Variants in PIBF1 observed in about 807,000 individuals in gnomAD.
PIBF1 encodes the protein progesterone immunomodulatory binding factor 1, also known as progesterone-induced-blocking factor 1.
PIBF1 carries 90 observed loss-of-function variants against 112.5 expected under a neutral mutation model. That is an observed-to-expected ratio of 0.80 (90% confidence interval 0.67 to 0.95). PIBF1 has a LOEUF of 0.95. Ranked by LOEUF, PIBF1 falls within the 40% of genes least tolerant of loss-of-function variation. The pLI, the probability that PIBF1 is intolerant of heterozygous loss-of-function variation, is 0.00. For missense variants in PIBF1, 915 were observed against 852.3 expected, an observed-to-expected ratio of 1.07 and a Z score of -0.92; for synonymous variants, 301 against 288.6, an observed-to-expected ratio of 1.04 and a Z score of -0.44.
rs184236912 is a variant in PIBF1, at chr13:72,812,123, C to T, written c.673-9726C>T. ...AAGGATGTATCACTACATGATGGCACGGGAAAACTCAGGAGGGACCTTACC... is the reference window on the plus strand; with the variant it reads ...AAGGATGTATCACTACATGATGGCATGGGAAAACTCAGGAGGGACCTTACC... On this transcript the variant is annotated intron_variant, in intron 5 of 17. Transcript: ENST00000326291. Among the ~76,000 whole-genome samples, 155 of 152,126 alleles carry T rather than the reference C, an allele frequency of 1.0e-3. 1 individual carries two copies. Among genetic ancestry groups the T allele is most frequent in the African/African-American group, 3.3e-3 (136 of 41,504 alleles).
chr13:72,835,391 A>G (rs755569984), intron 9 of PIBF1, 23 bp downstream of exon 9: 2 of 1,504,640 alleles, frequency 1.3e-6, no homozygotes. Context: ...AAATGCTTGT[A>G]TGGTATTTTA....
intron 14 of PIBF1, among the ~76,000 whole-genome samples, chr13:72,963,853 G>A (rs1319831840): frequency 6.6e-6 from 1 of 152,138 alleles, no homozygotes; most frequent in East Asian, 1.9e-4. Context: ...CCAGGATGTG[G>A]AGAAATTGTA....
At position 72,797,910 on chromosome 13, in the gene PIBF1, C is replaced by G. The variant is rs181700362; in HGVS notation, c.556C>G (p.Arg186Gly). Residue 186 changes from arginine to glycine, a missense_variant, in exon 5 of 18, where the codon CGC (arginine) becomes GGC (glycine). Coordinates refer to ENST00000326291, the MANE Select transcript of PIBF1 (RefSeq NM_006346.4). ...TATTAATTTAATTTTTTTCAAGGTT[C>G]GCTTCTATGAGCTAGTGAATCCATT... Reference protein sequence around the residue: ...QLSIPEYVSVRFYELVNPLRK... With the variant: ...QLSIPEYVSVGFYELVNPLRK... 1.3e-6 allele frequency: 2 copies of G among 1,573,758 alleles called. No individual in the cohort carries two copies. Among genetic ancestry groups the G allele is most frequent in the African/African-American group, 2.8e-5 (2 of 72,372 alleles).
intron 14 of PIBF1, among the ~76,000 whole-genome samples, chr13:72,951,052 C>G (rs2042282309): frequency 6.6e-6 from 1 of 152,164 alleles, no homozygotes; most frequent in South Asian, 2.1e-4. Context: ...AAAAAGCAAT[C>G]AGATATCTCT....
intron 13 of PIBF1, among the ~76,000 whole-genome samples, chr13:72,919,897 T>C (rs2041231304): frequency 6.6e-6 from 1 of 151,966 alleles, no homozygotes; most frequent in African/African-American, 2.4e-5. Flanking sequence ...TTACCTGAGC[T>C]CAAGAGGTCG....
rs1025365501 is a variant in PIBF1, at chr13:72,784,931, G to A, written c.252+1210G>A. Among the ~76,000 whole-genome samples, 8 of 152,036 alleles carry A rather than the reference G, an allele frequency of 5.3e-5. 1 individual carries two copies. The highest frequency in any genetic ancestry group is 1.9e-4 in the African/African-American group (8 of 41,382). ...TCTGTCACCCAGGCTGGAGTTCAGT[G>A]GCACAATCTTGGCTCACTGCAACCT... is the stretch of plus-strand genomic sequence containing the variant. On this transcript the variant is annotated intron_variant, in intron 2 of 17. Transcript: ENST00000326291.
intron 5 of PIBF1, among the ~76,000 whole-genome samples, chr13:72,816,216 C>G (rs1248303267): frequency 2.0e-5 from 3 of 152,174 alleles, no homozygotes; most frequent in Non-Finnish European, 4.4e-5. Flanking sequence ...TTAGTATACA[C>G]ACTCTGCAGA....
At chr13:73,004,244 A>T (rs1325022756) in intron 17 of PIBF1, among the ~76,000 whole-genome samples, 1 of 152,134 alleles carries the variant, frequency 6.6e-6, no homozygotes, top group East Asian at 1.9e-4. Flanking sequence ...TACTCCCAAC[A>T]CTTTGGGAGG....
intron 10 of PIBF1, among the ~76,000 whole-genome samples, chr13:72,875,612 T>C (rs1303530608): frequency 6.6e-6 from 1 of 152,198 alleles, no homozygotes; most frequent in Non-Finnish European, 1.5e-5. Flanking sequence ...GCATTGCCAG[T>C]GTTCTGGATT....
chr13:72,789,565 T>G (rs2034790971), intron 2 of PIBF1, among the ~76,000 whole-genome samples: 1 of 152,108 alleles, frequency 6.6e-6, no homozygotes. Flanking sequence ...ACCTGGGAAA[T>G]GAATACATTT....
intron 5 of PIBF1, among the ~76,000 whole-genome samples, chr13:72,819,965 T>C (rs1271657646): frequency 2.0e-5 from 3 of 152,128 alleles, no homozygotes; most frequent in African/African-American, 7.2e-5. Context: ...CATCCTTTAA[T>C]GTTTATATTC....
intron 16 of PIBF1, among the ~76,000 whole-genome samples, chr13:72,980,522 C>G (rs918988361): frequency 1.3e-5 from 2 of 152,132 alleles, no homozygotes; most frequent in Non-Finnish European, 2.9e-5. Flanking sequence ...AGGGCCGGCA[C>G]GGTGGCTCAT....
chr13:72,865,055 A>C (rs1566376150), intron 10 of PIBF1, among the ~76,000 whole-genome samples: 1 of 152,156 alleles, frequency 6.6e-6, no homozygotes, highest in African/African-American at 2.4e-5. Context: ...TTGGAGGAGC[A>C]AAAAAATGGT....
intron 5 of PIBF1, among the ~76,000 whole-genome samples, chr13:72,812,363 C>T (rs1249862078): frequency 6.6e-6 from 1 of 152,098 alleles, no homozygotes; most frequent in Non-Finnish European, 1.5e-5. Flanking sequence ...AGAGTACTAT[C>T]ACTATGATGT....
At chr13:73,000,279 G>C (rs949268681) in intron 17 of PIBF1, among the ~76,000 whole-genome samples, 1 of 152,094 alleles carries the variant, frequency 6.6e-6, no homozygotes, top group Non-Finnish European at 1.5e-5. Flanking sequence ...CCTTTGTCTT[G>C]AAACAGGTTT....
At chr13:72,874,469 A>G (rs942967992) in intron 10 of PIBF1, among the ~76,000 whole-genome samples, 1 of 152,232 alleles carries the variant, frequency 6.6e-6, no homozygotes, top group Non-Finnish European at 1.5e-5. Context: ...TTGAAAGAAG[A>G]CAAACACAAA....
In PIBF1 at chr13:72,876,134, C is replaced by CTTTTTT. The variant is rs386363749; in HGVS notation, c.1323-17636_1323-17631dup. 7.7e-3 allele frequency among the ~76,000 whole-genome samples: 705 copies of CTTTTTT among 91,214 alleles called. 87 individuals carry two copies. Among genetic ancestry groups the CTTTTTT allele is most frequent in the African/African-American group, 0.019 (427 of 22,686 alleles). 59.8% of individuals were successfully genotyped at this position (91,214 alleles called of 152,430 possible). A position where few individuals can be genotyped will look rare whatever the true frequency, so the allele number is the denominator to read the frequency against. On this transcript the variant is annotated intron_variant, in intron 10 of 17. Transcript: ENST00000326291. The stretch of plus-strand genomic sequence containing the variant: ...AAAGGTGTAAGTCTGTGTTCAGATT[C>CTTTTTT]TTTTTTTTTTTTTTTTTTTGCATGT...
chr13:72,986,426 A>G (rs1260078814), intron 16 of PIBF1, among the ~76,000 whole-genome samples: 2 of 152,176 alleles, frequency 1.3e-5, no homozygotes, highest in East Asian at 3.9e-4. Flanking sequence ...TTTTAAGTCA[A>G]CAATAGCAGT....
chr13:72,895,195 T>C (rs9796066), intron 11 of PIBF1, among the ~76,000 whole-genome samples: 47,574 of 151,742 alleles, frequency 0.31, 8,750 homozygotes, highest in East Asian at 0.48. Context: ...GTTAATCTGA[T>C]GAAAGCCAGG....
Sources: gnomAD v4.1 joint callset for allele counts (sites outside exome capture counted in the v4.1 genomes callset) on GRCh38, gnomAD v4.1.1 for gene constraint, MANE v1.5 for transcripts, NCBI Gene and HGNC (gene_info 2026-07-23, HGNC 2026-07-21) for gene names.